The following TBL1Y variants were observed in gnomAD, a reference collection of about 807,000 sequenced individuals.
TBL1Y encodes F-box-like/WD repeat-containing protein TBL1Y.
In TBL1Y, 15 loss-of-function variants were observed where a neutral mutation model predicts 12.0. That is an observed-to-expected ratio of 1.25 (90% confidence interval 0.83 to 1.92). TBL1Y has a LOEUF of 1.92. Among genes scored for constraint, TBL1Y ranks in the 40% most tolerant of loss-of-function variants. The pLI, the probability that TBL1Y is intolerant of heterozygous loss-of-function variation, is 0.00. For missense variants in TBL1Y, 148 were observed against 116.7 expected (o/e 1.27, Z -1.24); for synonymous variants, 53 against 42.6 (o/e 1.24, Z -0.95).
chrY:7,071,987 T>C (rs772326436), intron 12 of TBL1Y, among the ~76,000 whole-genome samples, 157 bp downstream of exon 12: 140 of 33,037 alleles, frequency 4.2e-3, no homozygotes, highest in Admixed American at 0.018. Flanking sequence ...AGCCTCCGCC[T>C]CAGCAGGGTT....
chrY:6,990,852 C>T (rs755415836), intron 3 of TBL1Y, among the ~76,000 whole-genome samples: 2 of 32,780 alleles, frequency 6.1e-5, no homozygotes, highest in African/African-American at 2.4e-4. Context: ...ACACCGCGCC[C>T]GGCCTGCTTT....
intron 7 of TBL1Y, among the ~76,000 whole-genome samples, chrY:7,061,008 A>G: frequency 3.3e-5 from 1 of 30,323 alleles, no homozygotes; most frequent in Non-Finnish European, 7.8e-5. Flanking sequence ...CAAGAGAATT[A>G]TCAGTGGTTA....
chrY:6,949,159 A>C, intron 2 of TBL1Y, among the ~76,000 whole-genome samples: 1 of 33,872 alleles, frequency 3.0e-5, no homozygotes, highest in East Asian at 7.8e-4. Context: ...ATTGTTTTGC[A>C]TGTACTTGTG....
chrY:6,977,585 T>A (rs763304973), intron 2 of TBL1Y, among the ~76,000 whole-genome samples: 2 of 33,304 alleles, frequency 6.0e-5, no homozygotes, highest in South Asian at 1.4e-3. Context: ...GAATTCCCGA[T>A]GACTCATCAT....
chrY:6,971,863 C>T (rs2012211003), intron 2 of TBL1Y, among the ~76,000 whole-genome samples: 1 of 34,008 alleles, frequency 2.9e-5, no homozygotes, highest in Non-Finnish European at 7.3e-5. Context: ...TCTGCCTTGG[C>T]TTCCAAAAGC....
intron 2 of TBL1Y, chrY:6,919,272 T>C (rs2011760235): frequency 3.0e-5 from 1 of 33,189 alleles, no homozygotes. Context: ...TGTAGCTTTA[T>C]GTGTTTTGAT....
At chrY:7,042,559 A>AT (rs2124161831) in intron 6 of TBL1Y, among the ~76,000 whole-genome samples, 1 of 31,131 alleles carries the variant, frequency 3.2e-5, no homozygotes, top group South Asian at 7.7e-4. Context: ...CGTCCAGCTA[A>AT]TTTTTGTATT....
At chrY:6,921,757 CAAG>C (rs2011780475) in intron 2 of TBL1Y, among the ~76,000 whole-genome samples, 1 of 33,679 alleles carries the variant, frequency 3.0e-5, no homozygotes, top group South Asian at 6.9e-4. Context: ...GATGTTGGAG[CAAG>C]AAGAAGGATA....
At chrY:6,975,350 C>T in intron 2 of TBL1Y, among the ~76,000 whole-genome samples, 1 of 33,394 alleles carries the variant, frequency 3.0e-5, no homozygotes, top group Admixed American at 2.8e-4. Context: ...CTTTGGGTAC[C>T]ACCTTCCCCT....
chrY:6,971,012 T>A, intron 2 of TBL1Y, among the ~76,000 whole-genome samples: 1 of 34,037 alleles, frequency 2.9e-5, no homozygotes, highest in African/African-American at 1.2e-4. Context: ...GAATTCCACC[T>A]CTTGGGCACA....
chrY:6,916,312 CAA>C (rs2011733969), intron 2 of TBL1Y, among the ~76,000 whole-genome samples: 1 of 29,236 alleles, frequency 3.4e-5, no homozygotes, highest in Non-Finnish European at 7.9e-5. Context: ...GTCTAAAGGG[CAA>C]AGAGATCCTG....
chrY:7,059,822 G>A (rs2012846962), intron 7 of TBL1Y, among the ~76,000 whole-genome samples: 4 of 33,252 alleles, frequency 1.2e-4, no homozygotes, highest in Admixed American at 1.1e-3. Context: ...TTCCTGTATG[G>A]TTTTTATACC....
In TBL1Y at chrY:7,067,648, CA is replaced by C. The variant is rs2012996049; in HGVS notation, c.458-2547del. Among the ~76,000 whole-genome samples, 6 of 33,559 alleles carry C rather than the reference CA, an allele frequency of 1.8e-4. No individual in the cohort carries two copies. In the South Asian group the frequency reaches 4.1e-3, roughly 23 times the overall value. 90.0% of individuals were successfully genotyped at this position (33,559 alleles called of 37,273 possible). ...GAAATGTCTTGTTTTATCAAAAACA[CA>C]GGAAACTTCCAGCTGGTACTTGTCA... On this transcript the variant is annotated intron_variant, in intron 8 of 18. Transcript: ENST00000383032.
At chrY:7,085,453 C>T in intron 14 of TBL1Y, among the ~76,000 whole-genome samples, 1 of 30,617 alleles carries the variant, frequency 3.3e-5, no homozygotes, top group Non-Finnish European at 7.8e-5. Context: ...GAGCTAGAAT[C>T]GGGCCACTGA....
chrY:7,022,445 G>A, intron 5 of TBL1Y, among the ~76,000 whole-genome samples: 1 of 33,056 alleles, frequency 3.0e-5, no homozygotes, highest in African/African-American at 1.2e-4. Flanking sequence ...GTTATAACAA[G>A]TTAAACATGT....
chrY:7,041,863 T>C, intron 6 of TBL1Y, among the ~76,000 whole-genome samples: 2 of 32,529 alleles, frequency 6.1e-5, no homozygotes, highest in Non-Finnish European at 1.5e-4. Context: ...TTGAAGCAGG[T>C]ATCATCCACA....
At chrY:7,039,532 C>A in intron 6 of TBL1Y, among the ~76,000 whole-genome samples, 2 of 32,922 alleles carry the variant, frequency 6.1e-5, no homozygotes, top group African/African-American at 2.4e-4. Context: ...GAAGTCCCCA[C>A]CTCTTAATAC....
chrY:7,010,464 A>G (rs2012512583), intron 4 of TBL1Y, among the ~76,000 whole-genome samples: 2 of 34,281 alleles, frequency 5.8e-5, no homozygotes, highest in South Asian at 1.3e-3. Context: ...TACATTGTTC[A>G]CTTACACTCT....
chrY:7,064,480 C>A, intron 8 of TBL1Y, among the ~76,000 whole-genome samples: 1 of 33,539 alleles, frequency 3.0e-5, no homozygotes, highest in Non-Finnish European at 7.4e-5. Context: ...CTCCAGCCCT[C>A]CATGTTGAGT....
Sources: gnomAD v4.1 joint callset for allele counts (sites outside exome capture counted in the v4.1 genomes callset) on GRCh38, gnomAD v4.1.1 for gene constraint, MANE v1.5 for transcripts, NCBI Gene and HGNC (gene_info 2026-07-23, HGNC 2026-07-21) for gene names.